Variants in INO80 observed in about 807,000 individuals in gnomAD.
The protein encoded by INO80 is chromatin-remodeling ATPase INO80.
In INO80, 20 loss-of-function variants were observed where a neutral mutation model predicts 203.4. The observed-to-expected ratio is 0.10, with a 90% CI of 0.07 to 0.14. The LOEUF (loss-of-function observed/expected upper bound fraction) is 0.14. Ranked by LOEUF, INO80 falls within the 10% of genes least tolerant of loss-of-function variation. The pLI is 1.00. For missense variants in INO80, 1,419 were observed against 1,914.4 expected, an observed-to-expected ratio of 0.74 and a Z score of 4.83; for synonymous variants, 726 against 685.2, an observed-to-expected ratio of 1.06 and a Z score of -0.93.
intron 28 of INO80, among the ~76,000 whole-genome samples, chr15:40,999,758 A>G (rs1171281531): frequency 1.3e-5 from 2 of 152,208 alleles, no homozygotes; most frequent in African/African-American, 4.8e-5. Context: ...GGAAGGAGGC[A>G]GGGTATCTCA....
chr15:41,046,416 G>A lies in INO80; in HGVS notation c.2735+992C>T, dbSNP rs947259472. Among the ~76,000 whole-genome samples, 20 of 150,422 alleles carry A rather than the reference G, an allele frequency of 1.3e-4. No individual in the cohort carries two copies. In the South Asian group the frequency reaches 3.2e-3, roughly 24 times the overall value. ...TAATTTTTGTGTTTTTATTACAGACGGGGTTTCAGCATGTTGGCCAGGCTG... is the reference window on the plus strand; with the variant it reads ...TAATTTTTGTGTTTTTATTACAGACAGGGTTTCAGCATGTTGGCCAGGCTG... On this transcript the variant is annotated intron_variant, in intron 23 of 35. Transcript: ENST00000648947.
intron 1 of INO80, among the ~76,000 whole-genome samples, chr15:41,104,064 C>T (rs997653689): frequency 3.3e-5 from 5 of 151,816 alleles, no homozygotes; most frequent in Admixed American, 1.3e-4. Flanking sequence ...ACTAAAAATA[C>T]AACAAAGTTA....
At chr15:41,071,658 A>ACC (rs1333664282) in intron 12 of INO80, among the ~76,000 whole-genome samples, 191 bp downstream of exon 12, 64 of 142,894 alleles carry the variant, frequency 4.5e-4, no homozygotes, top group African/African-American at 1.8e-3. Flanking sequence ...ATGGGGTTTC[A>ACC]CCATGTTGGT....
intron 24 of INO80, 110 bp from the exon 25 acceptor site, chr15:41,027,846 T>G (rs2044399962): frequency 9.8e-6 from 7 of 715,646 alleles, no homozygotes; most frequent in Non-Finnish European, 1.6e-5. Flanking sequence ...TTCTTCCCTG[T>G]AAATACTATT....
intron 35 of INO80, among the ~76,000 whole-genome samples, chr15:40,982,485 A>C (rs894919332): frequency 6.6e-6 from 1 of 152,218 alleles, no homozygotes. Context: ...CAGGTGCCTC[A>C]TATCTAGGTG....
Position 41,062,085 on chromosome 15 carries a change from T to C in INO80, c.1783-2159A>G, listed in dbSNP as rs2045121558. Reference sequence around the variant, plus strand: ...AGATTAATAAAAATTGAATATACAATATGAAAAAATCTAAACATAAAATAT... The same window carrying C: ...AGATTAATAAAAATTGAATATACAACATGAAAAAATCTAAACATAAAATAT... On this transcript the variant is annotated intron_variant, in intron 14 of 35. Coordinates refer to ENST00000648947, the MANE Select transcript of INO80 (RefSeq NM_017553.3). Among the ~76,000 whole-genome samples the C allele has an allele frequency of 3.9e-5, 6 of 151,976 alleles. 1 individual carries two copies. The South Asian group carries it at 1.0e-3, about 26-fold the overall frequency.
intron 31 of INO80, among the ~76,000 whole-genome samples, chr15:40,986,316 C>CTTTTTTTTTTTTTT (rs551165963): frequency 4.4e-5 from 4 of 90,674 alleles, no homozygotes; most frequent in Admixed American, 1.6e-4. Flanking sequence ...CTCCACAATG[C>CTTTTTTTTTTTTTT]TTTTTTTTTT....
intron 35 of INO80, 68 bp downstream of exon 35, chr15:40,982,794 C>G (rs1893878908): frequency 7.6e-7 from 1 of 1,322,106 alleles, no homozygotes; most frequent in Non-Finnish European, 1.1e-6. Context: ...CATGTTCTAC[C>G]TGACTGACAG....
chr15:41,041,242 T>C (rs2044660989), intron 24 of INO80, among the ~76,000 whole-genome samples: 1 of 151,764 alleles, frequency 6.6e-6, no homozygotes, highest in Non-Finnish European at 1.5e-5. Flanking sequence ...GTACACGGCA[T>C]CATGCTTGGC....
chr15:41,110,196 G>C (rs2045938919), intron 1 of INO80, among the ~76,000 whole-genome samples: 1 of 151,988 alleles, frequency 6.6e-6, no homozygotes, highest in African/African-American at 2.4e-5. Flanking sequence ...CCAGGCTGGA[G>C]TGCAGTGGCA....
In INO80 at chr15:41,014,445, G is replaced by A. The variant is rs534283838; in HGVS notation, c.3402+1643C>T. On this transcript the variant is annotated intron_variant, in intron 27 of 35. Coordinates refer to ENST00000648947, the MANE Select transcript of INO80 (RefSeq NM_017553.3). ...GTTGTTTTGGCTGTTGGGATCATCT[G>A]TTTGAACAGAACACTAGACATGCAG... Among the ~76,000 whole-genome samples the A allele has an allele frequency of 2.0e-5, 3 of 152,260 alleles. No individual in the cohort carries two copies. In the East Asian group the frequency reaches 5.8e-4, roughly 29 times the overall value.
At chr15:41,062,721 C>T (rs2140565895) in intron 14 of INO80, among the ~76,000 whole-genome samples, 1 of 152,230 alleles carries the variant, frequency 6.6e-6, no homozygotes, top group African/African-American at 2.4e-5. Context: ...ACAGGAGTCC[C>T]CCTCACCCTG....
chr15:41,061,258 C>T (rs1435171859), intron 14 of INO80, among the ~76,000 whole-genome samples: 5 of 151,860 alleles, frequency 3.3e-5, no homozygotes, highest in Non-Finnish European at 7.4e-5. Flanking sequence ...CAAGATTGTG[C>T]CACTGCACTC....
rs1203696799 is a variant in INO80, at chr15:41,116,184, G to A, written c.-255C>T. On this transcript the variant is annotated 5_prime_UTR_variant, in exon 1 of 36. Coordinates refer to ENST00000648947, the MANE Select transcript of INO80 (RefSeq NM_017553.3). ...ATGGCGGCGGCGCTGAGGCGGCTGC[G>A]GGCGCTGGGCCGGCGGCGGCGGCGG... 2 of 408,018 alleles carry A rather than the reference G, an allele frequency of 4.9e-6. No homozygotes were observed. The highest frequency in any genetic ancestry group is 8.5e-6 in the Non-Finnish European group (2 of 234,372). 25.3% of individuals were successfully genotyped at this position (408,018 alleles called of 1,614,324 possible).
At chr15:41,029,244 T>C (rs1022086376) in intron 24 of INO80, among the ~76,000 whole-genome samples, 2 of 152,236 alleles carry the variant, frequency 1.3e-5, no homozygotes, top group Non-Finnish European at 2.9e-5. Flanking sequence ...TGAGGATAAT[T>C]TGTTCAGCTC....
intron 27 of INO80, among the ~76,000 whole-genome samples, chr15:41,012,783 C>T (rs1466841468): frequency 6.6e-6 from 1 of 151,948 alleles, no homozygotes; most frequent in Non-Finnish European, 1.5e-5. Context: ...TTAAAAATCC[C>T]CTATCTAGAA....
chr15:41,078,915 C>A (rs896586341), intron 9 of INO80, among the ~76,000 whole-genome samples: 6 of 152,060 alleles, frequency 3.9e-5, no homozygotes, highest in Non-Finnish European at 8.8e-5. Flanking sequence ...CCGAGGCAGG[C>A]GTATCATCTG....
At chr15:40,989,863 A>G (rs937217170) in intron 29 of INO80, among the ~76,000 whole-genome samples, 4 of 152,094 alleles carry the variant, frequency 2.6e-5, no homozygotes, top group Non-Finnish European at 4.4e-5. Flanking sequence ...CTTATAATAC[A>G]TTTGTGTACA....
In INO80 at chr15:41,050,022, C is replaced by G; in HGVS notation, c.2355G>C (p.Glu785Asp). Residue 785 changes from glutamate (E) to aspartate (D), a missense_variant, in exon 20 of 36, where the codon GAG becomes GAC. By Grantham distance (45) the Glu-to-Asp change is conservative. Around this residue, in one of 9 missense-constraint regions of INO80, gnomAD observed 192 missense variants for 406.7 expected, o/e 0.47. Transcript: ENST00000648947. Reference sequence around the variant, plus strand: ...AGCCCATAGAAGACTGCAATAAATCCTCAATGGAAATTTTGTTCTTTAGTG... The same window carrying G: ...AGCCCATAGAAGACTGCAATAAATCGTCAATGGAAATTTTGTTCTTTAGTG... ...YQALKNKISI[E>D]DLLQSSMGST... 6.2e-7 allele frequency: 1 copy of G among 1,614,062 alleles called. No individual in the cohort carries two copies. Among genetic ancestry groups the G allele is most frequent in the Non-Finnish European group, 8.5e-7 (1 of 1,179,920 alleles).
Sources: allele counts gnomAD v4.1 joint callset (sites outside exome capture counted in the v4.1 genomes callset), GRCh38; gene constraint gnomAD v4.1.1; regional missense constraint gnomAD v4.1.1; transcripts MANE v1.5; gene names NCBI Gene and HGNC (gene_info 2026-07-23, HGNC 2026-07-21).